LPGAT1: variants seen among roughly 807,000 people sequenced by gnomAD.
The protein encoded by LPGAT1 is acyl-CoA:lysophosphatidylglycerol acyltransferase 1.
A neutral mutation model predicts 47.5 loss-of-function variants in LPGAT1; 11 were observed. The observed-to-expected ratio is 0.23, with a 90% CI of 0.15 to 0.38. The LOEUF (loss-of-function observed/expected upper bound fraction) is 0.38, where lower values mean the gene tolerates loss of function less well. LPGAT1 is among the 10% of genes least tolerant of loss of function. The probability of loss-of-function intolerance (pLI) is 1.00; values close to 1 mark genes in which losing one functional copy is unlikely to be tolerated. For synonymous variants in LPGAT1, 138 were observed against 144.2 expected, an observed-to-expected ratio of 0.96 and a Z score of 0.31; for missense variants, 293 against 439.0, an observed-to-expected ratio of 0.67 and a Z score of 2.97.
At chr1:211,767,998 A>G (rs1558259548) in intron 6 of LPGAT1, among the ~76,000 whole-genome samples, 1 of 152,180 alleles carries the variant, frequency 6.6e-6, no homozygotes, top group Non-Finnish European at 1.5e-5. Context: ...TTGGTCCCCA[A>G]TATGTTGAAT....
chr1:211,787,515 C>T lies in LPGAT1; in HGVS notation c.453+117G>A, dbSNP rs556505063. The T allele has an allele frequency of 1.6e-4, 77 of 480,450 alleles. No homozygotes were observed. The South Asian group carries it at 2.2e-3, about 14-fold the overall frequency. 29.8% of individuals were successfully genotyped at this position (480,450 alleles called of 1,614,324 possible). Reference sequence around the variant, plus strand: ...AAAAAAAAAAAAAAAAAAAAGCTCCCTAAGACTGGTTAGAAGCAGCCCTAC... The same window carrying T: ...AAAAAAAAAAAAAAAAAAAAGCTCCTTAAGACTGGTTAGAAGCAGCCCTAC... On this transcript the variant is annotated intron_variant, in intron 4 of 7. Coordinates refer to ENST00000366997, the MANE Select transcript of LPGAT1 (RefSeq NM_014873.3).
At chr1:211,756,210 T>G (rs985586434) in intron 6 of LPGAT1, among the ~76,000 whole-genome samples, 3 of 152,166 alleles carry the variant, frequency 2.0e-5, no homozygotes, top group African/African-American at 7.2e-5. Context: ...CACTCCAGCC[T>G]GGGCAACAGA....
intron 6 of LPGAT1, among the ~76,000 whole-genome samples, chr1:211,762,207 A>G (rs1657728052): frequency 6.6e-6 from 1 of 152,208 alleles, no homozygotes; most frequent in African/African-American, 2.4e-5. Flanking sequence ...GACATTAAAA[A>G]TAAAGCTGAA....
chr1:211,782,706 G>A (rs1654415141), intron 5 of LPGAT1, among the ~76,000 whole-genome samples: 1 of 151,984 alleles, frequency 6.6e-6, no homozygotes, highest in Admixed American at 6.6e-5. Flanking sequence ...CTGCACTCCA[G>A]CCTGGACAAC....
rs191279496 is a variant in LPGAT1 at position 211,762,547 on chromosome 1, T to C, written c.855-11480A>G. On this transcript the variant is annotated intron_variant, in intron 6 of 7. Transcript: ENST00000366997. ...CTAATATGGCAAAGGATTAAATACA[T>C]TGAATACCAGTCCTCTTGAAATCAA... 6.2e-4 allele frequency among the ~76,000 whole-genome samples: 94 copies of C among 152,316 alleles called. No homozygotes were observed. The Middle Eastern group carries it at 0.01, about 17-fold the overall frequency.
intron 6 of LPGAT1, among the ~76,000 whole-genome samples, chr1:211,771,871 G>A (rs1267373203): frequency 6.6e-6 from 1 of 151,972 alleles, no homozygotes; most frequent in Non-Finnish European, 1.5e-5. Flanking sequence ...CTGATTTCTG[G>A]GTCTTGTAAG....
At chr1:211,824,667 A>G (rs1231224989) in intron 2 of LPGAT1, among the ~76,000 whole-genome samples, 1 of 152,142 alleles carries the variant, frequency 6.6e-6, no homozygotes, top group Non-Finnish European at 1.5e-5. Context: ...CTGAAGCACC[A>G]CTCAGTATAA....
chr1:211,795,284 C>T (rs1659303204), intron 2 of LPGAT1, among the ~76,000 whole-genome samples: 1 of 152,158 alleles, frequency 6.6e-6, no homozygotes, highest in Admixed American at 6.5e-5. Flanking sequence ...CACTTATGTA[C>T]TAAGATGAAA....
At chr1:211,796,305 A>T (rs994661083) in intron 2 of LPGAT1, among the ~76,000 whole-genome samples, 4 of 152,196 alleles carry the variant, frequency 2.6e-5, no homozygotes, top group African/African-American at 9.6e-5. Flanking sequence ...ATACTGGATT[A>T]GGGTGGGCCC....
intron 6 of LPGAT1, among the ~76,000 whole-genome samples, chr1:211,766,316 A>ATTC (rs1657912151): frequency 6.6e-6 from 1 of 152,188 alleles, no homozygotes; most frequent in Non-Finnish European, 1.5e-5. Context: ...AGCAGCCATA[A>ATTC]TCACATGAGC....
intron 2 of LPGAT1, among the ~76,000 whole-genome samples, chr1:211,801,263 G>T (rs966358271): frequency 6.6e-6 from 1 of 152,182 alleles, no homozygotes; most frequent in African/African-American, 2.4e-5. Flanking sequence ...TCAATGCAGG[G>T]ATGAGTCTGC....
intron 6 of LPGAT1, among the ~76,000 whole-genome samples, chr1:211,762,628 A>G (rs1371591078): frequency 6.6e-6 from 1 of 152,166 alleles, no homozygotes; most frequent in Non-Finnish European, 1.5e-5. Context: ...CCAGAAATAA[A>G]CCTTTACAAT....
intron 2 of LPGAT1, among the ~76,000 whole-genome samples, chr1:211,815,879 C>T (rs1053415321): frequency 1.3e-5 from 2 of 149,662 alleles, no homozygotes; most frequent in South Asian, 2.1e-4. Flanking sequence ...CCCATGTTCA[C>T]GCCATTCTCC....
intron 2 of LPGAT1, among the ~76,000 whole-genome samples, chr1:211,811,125 G>A (rs887645012): frequency 5.9e-5 from 9 of 152,178 alleles, no homozygotes; most frequent in African/African-American, 2.2e-4. Flanking sequence ...AAAAGTAATT[G>A]GAAAGTCAAG....
At chr1:211,801,650 G>T (rs981662448) in intron 2 of LPGAT1, among the ~76,000 whole-genome samples, 1 of 150,878 alleles carries the variant, frequency 6.6e-6, no homozygotes, top group Admixed American at 6.6e-5. Flanking sequence ...CAAAGCTACA[G>T]TGAGCTATAA....
At chr1:211,800,748 T>C (rs941617298) in intron 2 of LPGAT1, among the ~76,000 whole-genome samples, 2 of 152,204 alleles carry the variant, frequency 1.3e-5, no homozygotes, top group South Asian at 2.1e-4. Context: ...TAAGTTAAAA[T>C]TATGTCAATA....
chr1:211,770,167 A>G (rs1397670342), intron 6 of LPGAT1, among the ~76,000 whole-genome samples: 2 of 152,118 alleles, frequency 1.3e-5, no homozygotes, highest in Non-Finnish European at 2.9e-5. Context: ...CTAATTTGTT[A>G]CTCTTACAAA....
intron 2 of LPGAT1, among the ~76,000 whole-genome samples, chr1:211,812,548 A>C (rs1319671273): frequency 6.6e-6 from 1 of 152,186 alleles, no homozygotes; most frequent in African/African-American, 2.4e-5. Flanking sequence ...GGTTCTATGG[A>C]AAGCTGAAAA....
intron 6 of LPGAT1, among the ~76,000 whole-genome samples, chr1:211,760,708 T>C (rs1484660888): frequency 2.0e-5 from 3 of 152,194 alleles, no homozygotes; most frequent in Non-Finnish European, 4.4e-5. Flanking sequence ...CTCTGAACTA[T>C]GTATGTATGG....
Sources: allele counts gnomAD v4.1 joint callset (sites outside exome capture counted in the v4.1 genomes callset), GRCh38; gene constraint gnomAD v4.1.1; transcripts MANE v1.5; gene names NCBI Gene and HGNC (gene_info 2026-07-23, HGNC 2026-07-21).